USP25: variants seen among roughly 807,000 people sequenced by gnomAD.
The protein encoded by USP25 is ubiquitin specific peptidase 25.
Under a neutral mutation model 158.5 loss-of-function variants are expected in USP25, and 85 were observed. That is an observed-to-expected ratio of 0.54 (90% CI 0.45 to 0.64). USP25 has a LOEUF of 0.64. Among genes scored for constraint, USP25 ranks in the 30% least tolerant of loss-of-function variants. The probability of loss-of-function intolerance (pLI) is 0.00; values close to 1 mark genes in which losing one functional copy is unlikely to be tolerated. For missense variants in USP25, 1,242 were observed against 1,327.3 expected (o/e 0.94, Z 1.00); for synonymous variants, 464 against 460.4 (o/e 1.01, Z -0.10).
chr21:15,862,937 A>G (rs747452213), intron 20 of USP25, among the ~76,000 whole-genome samples: 3 of 152,008 alleles, frequency 2.0e-5, no homozygotes, highest in Non-Finnish European at 2.9e-5. Context: ...GTACAATACA[A>G]CCATATAGAT....
Position 15,826,503 on chromosome 21 carries a change from A to G in USP25, c.1466+138A>G. 8.4e-6 allele frequency: 8 copies of G among 956,080 alleles called. No individual in the cohort carries two copies. The highest frequency in any genetic ancestry group is 1.2e-5 in the Non-Finnish European group (8 of 649,842). 59.2% of individuals were successfully genotyped at this position (956,080 alleles called of 1,614,324 possible). ...ACTCCTAAGAGTAGATTCACTTAGAAGACTGTATGTCCTCTGGGAGTTTTT... is the reference window on the plus strand; with the variant it reads ...ACTCCTAAGAGTAGATTCACTTAGAGGACTGTATGTCCTCTGGGAGTTTTT... On this transcript the variant is annotated intron_variant, in intron 13 of 25. Coordinates refer to ENST00000400183, the MANE Select transcript of USP25 (RefSeq NM_001283041.3). The surrounding 1 kb of genome is among the most constrained non-coding windows in gnomAD (Gnocchi z 4.8).
Position 15,805,247 on chromosome 21 carries a change from G to T in USP25, c.769G>T (p.Asp257Tyr). 3 of 1,599,992 alleles carry T rather than the reference G, an allele frequency of 1.9e-6. No homozygotes were observed. In the South Asian group the frequency reaches 3.4e-5, roughly 18 times the overall value. ...TCTTAAGGATGCTTTCAAATCAAAT[G>T]ACTCACAGCAGGTAGTTCTGTTGCA... is the stretch of plus-strand genomic sequence containing the variant. ...EILKDAFKSN[D>Y]SQQQDVSEFT... Residue 257 changes from aspartate to tyrosine, a missense_variant, in exon 7 of 26, where the codon GAC (aspartate) becomes TAC (tyrosine). Asp to Tyr is a radical substitution (Grantham distance 160, BLOSUM62 -3). Around this residue, in one of 3 missense-constraint regions of USP25, gnomAD observed 627 missense variants for 701.4 expected, o/e 0.89. Transcript: ENST00000400183.
intron 20 of USP25, among the ~76,000 whole-genome samples, chr21:15,862,952 A>G (rs545215915): frequency 6.6e-6 from 1 of 152,160 alleles, no homozygotes; most frequent in Admixed American, 6.5e-5. Context: ...ATAGATCATA[A>G]CATCTAGACG....
intron 3 of USP25, among the ~76,000 whole-genome samples, chr21:15,774,741 C>T (rs535317277): frequency 7.2e-5 from 11 of 152,228 alleles, no homozygotes; most frequent in South Asian, 4.1e-4. Context: ...TTAATCTTTT[C>T]GCCAAGAACA....
At chr21:15,870,949 C>G (rs2039860263) in intron 23 of USP25, among the ~76,000 whole-genome samples, 1 of 152,180 alleles carries the variant, frequency 6.6e-6, no homozygotes, top group Non-Finnish European at 1.5e-5. Context: ...ATAACTAAAA[C>G]TTTTAAAACC....
chr21:15,783,924 C>T (rs780253330), intron 4 of USP25, among the ~76,000 whole-genome samples: 7 of 151,926 alleles, frequency 4.6e-5, no homozygotes, highest in Admixed American at 2.0e-4. Flanking sequence ...GAGCCGAGAT[C>T]GCGCCACTGC....
intron 16 of USP25, among the ~76,000 whole-genome samples, chr21:15,832,949 C>T (rs566486560): frequency 2.6e-4 from 39 of 152,070 alleles, no homozygotes; most frequent in East Asian, 1.5e-3. Context: ...ACCCGGAAGG[C>T]GGAGGTTGCA....
intron 1 of USP25, among the ~76,000 whole-genome samples, chr21:15,737,293 T>C (rs1333755067): frequency 6.6e-6 from 1 of 152,144 alleles, no homozygotes; most frequent in Non-Finnish European, 1.5e-5. Flanking sequence ...AAGAGTTTGT[T>C]TTTAATAATA....
chr21:15,842,320 A>G, intron 17 of USP25, 78 bp from the exon 18 acceptor site: 4 of 1,451,504 alleles, frequency 2.8e-6, no homozygotes, highest in East Asian at 2.4e-5. Flanking sequence ...CTTCAGACAT[A>G]GAAATGAATA....
intron 4 of USP25, among the ~76,000 whole-genome samples, chr21:15,786,440 G>A (rs1382349063): frequency 6.6e-6 from 1 of 152,046 alleles, no homozygotes; most frequent in Non-Finnish European, 1.5e-5. Context: ...CACTATGATC[G>A]AGATTCATCC....
intron 20 of USP25, among the ~76,000 whole-genome samples, chr21:15,863,232 A>G (rs1395684644): frequency 1.3e-5 from 2 of 152,100 alleles, no homozygotes; most frequent in Admixed American, 6.5e-5. Context: ...TAAAACATGC[A>G]TTAGTATTTG....
intron 2 of USP25, among the ~76,000 whole-genome samples, chr21:15,764,910 C>T (rs1047661739): frequency 6.6e-6 from 1 of 152,030 alleles, no homozygotes; most frequent in Non-Finnish European, 1.5e-5. Context: ...TTTATTCTGC[C>T]AGCTGCTCAG....
Position 15,878,598 on chromosome 21 carries a change from A to G in USP25, c.*123A>G, listed in dbSNP as rs866759855. On this transcript the variant is annotated 3_prime_UTR_variant, in exon 26 of 26. Coordinates refer to ENST00000400183, the MANE Select transcript of USP25 (RefSeq NM_001283041.3). ...ACTTTTTTTTATTTTAATAACTGCA[A>G]AAGACAAAATGACTATACAGACTTT... is the stretch of plus-strand genomic sequence containing the variant. The G allele has an allele frequency of 2.1e-5, 23 of 1,081,338 alleles. No individual in the cohort carries two copies. Among genetic ancestry groups the G allele is most frequent in the African/African-American group, 6.4e-5 (4 of 62,024 alleles). 67.0% of individuals were successfully genotyped at this position (1,081,338 alleles called of 1,614,324 possible). A position where few individuals can be genotyped will look rare whatever the true frequency, so the allele number is the denominator to read the frequency against.
chr21:15,866,897 A>T (rs771694531), intron 22 of USP25, among the ~76,000 whole-genome samples: 8 of 152,166 alleles, frequency 5.3e-5, no homozygotes, highest in Non-Finnish European at 1.0e-4. Context: ...AGCTTGGCTA[A>T]TAGAACCTAC....
rs749931321 is a variant in USP25, at chr21:15,827,018, G to A, written c.1508G>A (p.Ser503Asn). Residue 503 changes from serine to asparagine, a missense_variant, in exon 14 of 26, where the codon AGC becomes AAC. By Grantham distance (46) the Ser-to-Asn change is conservative. Coordinates refer to ENST00000400183, the MANE Select transcript of USP25 (RefSeq NM_001283041.3). ...GGAGCCCTATCTTCAGAACTGCCAA[G>A]CACATCACCTTCATCAGTTGCTGCC... is the stretch of plus-strand genomic sequence containing the variant. ...QQGALSSELPSTSPSSVAAIS... is the reference protein window; with the variant it reads ...QQGALSSELPNTSPSSVAAIS... 6.2e-7 allele frequency: 1 copy of A among 1,614,050 alleles called. No homozygotes were observed. The highest frequency in any genetic ancestry group is 8.5e-7 in the Non-Finnish European group (1 of 1,180,032).
At chr21:15,836,527 A>G (rs1719284620) in intron 17 of USP25, among the ~76,000 whole-genome samples, 1 of 148,046 alleles carries the variant, frequency 6.8e-6, no homozygotes, top group African/African-American at 2.5e-5. Context: ...CAGAATGAGT[A>G]GGGGAGCAAA....
At chr21:15,748,220 T>C (rs531103962) in intron 1 of USP25, among the ~76,000 whole-genome samples, 1 of 152,304 alleles carries the variant, frequency 6.6e-6, no homozygotes, top group East Asian at 1.9e-4. Context: ...ATGTATACTT[T>C]TTAAATTCTT....
chr21:15,750,783 T>G (rs545009357), intron 1 of USP25, among the ~76,000 whole-genome samples: 1 of 152,084 alleles, frequency 6.6e-6, no homozygotes, highest in South Asian at 2.1e-4. Context: ...ATTTTTTGTA[T>G]TTTTAGTAGA....
intron 6 of USP25, among the ~76,000 whole-genome samples, chr21:15,802,843 A>G (rs1056433207): frequency 6.6e-6 from 1 of 151,704 alleles, no homozygotes; most frequent in Admixed American, 6.6e-5. Context: ...GAAAAACAAT[A>G]CAGAAAATTA....
Sources: allele counts gnomAD v4.1 joint callset (sites outside exome capture counted in the v4.1 genomes callset), GRCh38; gene constraint gnomAD v4.1.1; regional missense constraint gnomAD v4.1.1; non-coding constraint Gnocchi (gnomAD v3.1); transcripts MANE v1.5; gene names NCBI Gene and HGNC (gene_info 2026-07-23, HGNC 2026-07-21).